Variants in CCNP observed in about 807,000 individuals in gnomAD.
The protein encoded by CCNP is cyclin P, also known as cyclin-P.
Under a neutral mutation model 19.6 loss-of-function variants are expected in CCNP, and 18 were observed. The ratio of observed to expected loss-of-function variants is 0.92; its 90% CI spans 0.64 to 1.36. The LOEUF (loss-of-function observed/expected upper bound fraction) is 1.36, where lower values mean the gene tolerates loss of function less well. Ranked by LOEUF, CCNP falls within the 40% of genes most tolerant of loss-of-function variation. The pLI, the probability that CCNP is intolerant of heterozygous loss-of-function variation, is 0.00. For missense variants in CCNP, 440 were observed against 424.4 expected, an observed-to-expected ratio of 1.04 and a Z score of -0.32; for synonymous variants, 228 against 194.9, an observed-to-expected ratio of 1.17 and a Z score of -1.41.
Position 40,223,065 on chromosome 19 carries a change from C to G in CCNP, c.911G>C (p.Arg304Thr), listed in dbSNP as rs1485293499. 2 of 1,535,880 alleles carry G rather than the reference C, an allele frequency of 1.3e-6. No homozygotes were observed. The highest frequency in any genetic ancestry group is 2.4e-5 in the East Asian group (1 of 40,822). The change falls in exon 5 of 5, where the codon AGA becomes ACA. Residue 304 changes from arginine to threonine, a missense_variant. Arg to Thr is a moderately conservative substitution (Grantham distance 71, BLOSUM62 -1). Transcript: ENST00000430325. ...GCCACCTCCTCCTCAATAATTGTCT[C>G]TCATTCTCCGAGACCGTAAAAATGA... is the stretch of plus-strand genomic sequence containing the variant. ...SWSFLRSRRM[R>T]DNY
rs968742377 is a variant in CCNP, at chr19:40,222,801, T to G, written c.*251A>C. On this transcript the variant is annotated 3_prime_UTR_variant, in exon 5 of 5. Coordinates refer to ENST00000430325, the MANE Select transcript of CCNP (RefSeq NM_024877.4). ...GGAAACCATGGTTCGCCCTGCCACC[T>G]GGTAGCATGGTTAGCGGCCCTAGCA... is the stretch of plus-strand genomic sequence containing the variant. 6 of 449,888 alleles carry G rather than the reference T, an allele frequency of 1.3e-5. No homozygotes were observed. In the South Asian group the frequency reaches 3.1e-4, roughly 23 times the overall value. 27.9% of individuals were successfully genotyped at this position (449,888 alleles called of 1,614,324 possible). A position where few individuals can be genotyped will look rare whatever the true frequency, so the allele number is the denominator to read the frequency against.
Position 40,224,529 on chromosome 19 carries a change from G to A in CCNP, c.472C>T (p.Leu158=). Residue 158 remains leucine (L), a synonymous_variant, in exon 3 of 5, where the codon CTG becomes TTG. Transcript: ENST00000430325. ...TCTTCCATTTTGCACGCCACAAACA[G>A]GCAAGCCACGCCCAGCAGCTGCAGG... is the stretch of plus-strand genomic sequence containing the variant. ...HRLQLLGVAC[L]FVACKMEECV... 1.2e-6 allele frequency: 2 copies of A among 1,614,232 alleles called. No homozygotes were observed. Among genetic ancestry groups the A allele is most frequent in the Non-Finnish European group, 1.7e-6 (2 of 1,180,048 alleles).
chr19:40,226,303 G>A lies in CCNP; in HGVS notation c.267+72C>T. 11 of 1,349,196 alleles carry A rather than the reference G, an allele frequency of 8.2e-6. No individual in the cohort carries two copies. The South Asian group carries it at 1.3e-4, about 16-fold the overall frequency. 83.6% of individuals were successfully genotyped at this position (1,349,196 alleles called of 1,614,324 possible). A position where few individuals can be genotyped will look rare whatever the true frequency, so the allele number is the denominator to read the frequency against. ...GAGAGGCTGGAGCGGTGGGAGTTCA[G>A]AGTGGTGTTGAGTGGGTGCCGGGCG... On this transcript the variant is annotated intron_variant, in intron 1 of 4. Transcript: ENST00000430325.
chr19:40,225,381 G>A (rs138675669), intron 1 of CCNP, among the ~76,000 whole-genome samples: 1,808 of 152,104 alleles, frequency 0.012, 44 homozygotes, highest in African/African-American at 0.041. Flanking sequence ...TCTTGACCAC[G>A]AATCCTCAAC....
rs752702513 is a variant in CCNP at position 40,226,609 on chromosome 19, G to A, written c.33C>T (p.Gly11=). The A allele has an allele frequency of 1.3e-6, 2 of 1,579,268 alleles. No individual in the cohort carries two copies. The highest frequency in any genetic ancestry group is 1.7e-6 in the Non-Finnish European group (2 of 1,164,040). MLVRGRDQGS[G]SRLGPIVRRW... ...GCCTAACGATAGGCCCGAGCCGGGA[G>A]CCGGACCCCTGGTCCCTGCCTCTCA... The change falls in exon 1 of 5, where the codon GGC becomes GGT. Residue 11 remains glycine (G), a synonymous_variant. Coordinates refer to ENST00000430325, the MANE Select transcript of CCNP (RefSeq NM_024877.4).
chr19:40,226,614 A>T lies in CCNP; in HGVS notation c.28T>A (p.Ser10Thr). ...ACGATAGGCCCGAGCCGGGAGCCGG[A>T]CCCCTGGTCCCTGCCTCTCACCAGC... MLVRGRDQGSGSRLGPIVRR... is the reference protein window; with the variant it reads MLVRGRDQGTGSRLGPIVRR... The change falls in exon 1 of 5, where the codon TCC becomes ACC. Residue 10 changes from serine (S) to threonine (T), a missense_variant. Physicochemically the swap from Ser to Thr is moderately conservative, Grantham distance 58 (BLOSUM62 1). Transcript: ENST00000430325. 1 of 1,578,556 alleles carries T rather than the reference A, an allele frequency of 6.3e-7. No homozygotes were observed. The highest frequency in any genetic ancestry group is 8.6e-7 in the Non-Finnish European group (1 of 1,163,686).
In CCNP at chr19:40,222,930, G is replaced by T. The variant is rs967638848; in HGVS notation, c.*122C>A. ...GGAAGGCAATAGGAGCATCTTCTGGGCCTGGGAGACTATCTTCCACTCTGG... is the reference window on the plus strand; with the variant it reads ...GGAAGGCAATAGGAGCATCTTCTGGTCCTGGGAGACTATCTTCCACTCTGG... On this transcript the variant is annotated 3_prime_UTR_variant, in exon 5 of 5. Coordinates refer to ENST00000430325, the MANE Select transcript of CCNP (RefSeq NM_024877.4). 7 of 617,510 alleles carry T rather than the reference G, an allele frequency of 1.1e-5. No individual in the cohort carries two copies. In the African/African-American group the frequency reaches 1.1e-4, roughly 10 times the overall value. The allele number at this position is 617,510 out of a possible 1,614,324, so 38.3% of individuals were successfully genotyped here. A position where few individuals can be genotyped will look rare whatever the true frequency, so the allele number is the denominator to read the frequency against.
chr19:40,223,988 GTTGT>G (rs538308202), intron 3 of CCNP, among the ~76,000 whole-genome samples: 36 of 151,694 alleles, frequency 2.4e-4, no homozygotes, highest in Admixed American at 4.6e-4. Context: ...TTTTGTTGTT[GTTGT>G]TTGTTTTTTT....
intron 3 of CCNP, among the ~76,000 whole-genome samples, chr19:40,223,967 G>GT: frequency 6.8e-6 from 1 of 147,000 alleles, no homozygotes; most frequent in African/African-American, 2.7e-5. Context: ...AAAGTGATTT[G>GT]TTTTGTTTTT....
chr19:40,226,311 T>C, intron 1 of CCNP, 64 bp downstream of exon 1: 2 of 1,457,852 alleles, frequency 1.4e-6, no homozygotes, highest in Non-Finnish European at 9.5e-7. Context: ...CAGAGTGGTG[T>C]TGAGTGGGTG....
intron 3 of CCNP, 102 bp from the exon 4 acceptor site, chr19:40,223,648 G>T: frequency 6.6e-7 from 1 of 1,511,640 alleles, no homozygotes; most frequent in Non-Finnish European, 9.2e-7. Flanking sequence ...GTTTCCTGGT[G>T]TGTAAAATGG....
At position 40,223,297 on chromosome 19, in the gene CCNP, AC is replaced by A. The variant is rs1218043336; in HGVS notation, c.678del (p.Met226IlefsTer30). The A allele has an allele frequency of 6.6e-7, 1 of 1,522,658 alleles. No individual in the cohort carries two copies. Among genetic ancestry groups the A allele is most frequent in the African/African-American group, 1.4e-5 (1 of 72,042 alleles). The allele number at this position is 1,522,658 out of a possible 1,614,324, so 94.3% of individuals were successfully genotyped here. A position where few individuals can be genotyped will look rare whatever the true frequency, so the allele number is the denominator to read the frequency against. On this transcript the variant is annotated frameshift_variant, in exon 5 of 5. Transcript: ENST00000430325. LOFTEE classifies it low-confidence loss of function (END_TRUNC). ...AGCTCCAGGAAGTAGGTGGCAAGTAACATCACCTGCAAGTGAGGCGGGGCGA... is the reference window on the plus strand; with the variant it reads ...AGCTCCAGGAAGTAGGTGGCAAGTAAATCACCTGCAAGTGAGGCGGGGCGA... Reference protein sequence around the residue: ...AALAGSSPQVMLLATYFLELS... With the variant: ...AALAGSSPQVXLLATYFLELS...
rs1055804776 is a variant in CCNP, at chr19:40,222,231, T to C, written c.*821A>G. The stretch of plus-strand genomic sequence containing the variant: ...GCTCAGAATAAAATAAATTCTTTTA[T>C]TGAGATGAGAGACGGACACACACTG... On this transcript the variant is annotated 3_prime_UTR_variant, in exon 5 of 5. Coordinates refer to ENST00000430325, the MANE Select transcript of CCNP (RefSeq NM_024877.4). The C allele has an allele frequency of 1.0e-5, 4 of 398,138 alleles. No homozygotes were observed. The highest frequency in any genetic ancestry group is 1.8e-5 in the Non-Finnish European group (4 of 225,732). The allele number at this position is 398,138 out of a possible 1,614,324, so 24.7% of individuals were successfully genotyped here.
At position 40,222,434 on chromosome 19, in the gene CCNP, C is replaced by T. The variant is rs1973460132; in HGVS notation, c.*618G>A. 2 of 398,490 alleles carry T rather than the reference C, an allele frequency of 5.0e-6. No individual in the cohort carries two copies. The highest frequency in any genetic ancestry group is 1.3e-4 in the South Asian group (1 of 7,894). The allele number at this position is 398,490 out of a possible 1,614,324, so 24.7% of individuals were successfully genotyped here. Reference sequence around the variant, plus strand: ...CGGCGCGGGACCTCGGAGCGCAGCGCGGGCCATGCACGGCTCGAGGGTGCC... The same window carrying T: ...CGGCGCGGGACCTCGGAGCGCAGCGTGGGCCATGCACGGCTCGAGGGTGCC... On this transcript the variant is annotated 3_prime_UTR_variant, in exon 5 of 5. Transcript: ENST00000430325.
At position 40,223,047 on chromosome 19, in the gene CCNP, C is replaced by T. The variant is rs1386000824; in HGVS notation, c.*5G>A. The T allele has an allele frequency of 6.7e-7, 1 of 1,497,266 alleles. No individual in the cohort carries two copies. The highest frequency in any genetic ancestry group is 2.5e-5 in the East Asian group (1 of 40,564). The allele number at this position is 1,497,266 out of a possible 1,614,324, so 92.7% of individuals were successfully genotyped here. A position where few individuals can be genotyped will look rare whatever the true frequency, so the allele number is the denominator to read the frequency against. ...GAAAAATCAAGTCTAGGTGCCACCT[C>T]CTCCTCAATAATTGTCTCTCATTCT... On this transcript the variant is annotated 3_prime_UTR_variant, in exon 5 of 5. Transcript: ENST00000430325.
chr19:40,224,407 G>GTGCT, intron 3 of CCNP, 81 bp downstream of exon 3: 1 of 1,500,606 alleles, frequency 6.7e-7, no homozygotes, highest in Non-Finnish European at 9.2e-7. Flanking sequence ...ACTCAGCACG[G>GTGCT]TGCTTGGCAC....
rs749542372 is a variant in CCNP, at chr19:40,226,543, G to A, written c.99C>T (p.Ala33=). ...CGCTTGAAGGCTCTGCGTCGAGGGA[G>A]GCAGCGAGACTCTGCAAAGGAGAGG... is the stretch of plus-strand genomic sequence containing the variant. The part of the protein sequence containing the change: ...PRPSPLQSLA[A]SLDAEPSSAA... The change falls in exon 1 of 5, where the codon GCC becomes GCT. Residue 33 remains alanine (A), a synonymous_variant. Coordinates refer to ENST00000430325, the MANE Select transcript of CCNP (RefSeq NM_024877.4). 2 of 1,583,040 alleles carry A rather than the reference G, an allele frequency of 1.3e-6. No homozygotes were observed. Among genetic ancestry groups the A allele is most frequent in the Non-Finnish European group, 1.7e-6 (2 of 1,166,538 alleles).
intron 1 of CCNP, among the ~76,000 whole-genome samples, 197 bp downstream of exon 1, chr19:40,226,178 T>C: frequency 6.6e-6 from 1 of 152,138 alleles, no homozygotes; most frequent in Non-Finnish European, 1.5e-5. Flanking sequence ...CCGGGGACGG[T>C]GGGAAAGGGC....
At chr19:40,223,808 C>T (rs775733152) in intron 3 of CCNP, among the ~76,000 whole-genome samples, 1 of 151,978 alleles carries the variant, frequency 6.6e-6, no homozygotes, top group South Asian at 2.1e-4. Flanking sequence ...CCCCCGCCCC[C>T]CGTAAAACAG....
Sources: allele counts gnomAD v4.1 joint callset (sites outside exome capture counted in the v4.1 genomes callset), GRCh38; gene constraint gnomAD v4.1.1; transcripts MANE v1.5; gene names NCBI Gene and HGNC (gene_info 2026-07-23, HGNC 2026-07-21).